MAP4K4: variants seen among roughly 807,000 people sequenced by gnomAD.
MAP4K4 encodes the protein HPK/GCK-like kinase HGK.
Under a neutral mutation model 189.6 loss-of-function variants are expected in MAP4K4, and 38 were observed. The ratio of observed to expected loss-of-function variants is 0.20; its 90% CI spans 0.15 to 0.26. The LOEUF (loss-of-function observed/expected upper bound fraction) is 0.26, where lower values mean the gene tolerates loss of function less well. Ranked by LOEUF, MAP4K4 falls within the 10% of genes least tolerant of loss-of-function variation. The probability of loss-of-function intolerance (pLI) is 1.00; values close to 1 mark genes in which losing one functional copy is unlikely to be tolerated. For missense variants in MAP4K4, 1,054 were observed against 1,726.9 expected, an observed-to-expected ratio of 0.61 and a Z score of 6.91; for synonymous variants, 610 against 624.3, an observed-to-expected ratio of 0.98 and a Z score of 0.34.
chr2:101,726,811 C>T (rs761432664), intron 2 of MAP4K4, among the ~76,000 whole-genome samples: 5 of 152,100 alleles, frequency 3.3e-5, no homozygotes, highest in African/African-American at 7.2e-5. Context: ...TTCTGTTGCT[C>T]ATAATAGAAT....
chr2:101,792,959 T>A (rs1001953503), intron 3 of MAP4K4, among the ~76,000 whole-genome samples: 4 of 152,180 alleles, frequency 2.6e-5, no homozygotes, highest in African/African-American at 9.7e-5. Context: ...ATAGCTGTTG[T>A]TAGTGCTTCA....
chr2:101,724,530 C>T (rs1400673966), intron 2 of MAP4K4, among the ~76,000 whole-genome samples: 1 of 152,192 alleles, frequency 6.6e-6, no homozygotes, highest in African/African-American at 2.4e-5. Context: ...TTATTGGGCT[C>T]CTGGTTCCAC....
chr2:101,852,035 A>G (rs1044383384), intron 12 of MAP4K4, among the ~76,000 whole-genome samples: 4 of 151,950 alleles, frequency 2.6e-5, no homozygotes, highest in Admixed American at 6.6e-5. Flanking sequence ...GCCTATGTGA[A>G]AATGAACCCT....
chr2:101,769,618 C>G (rs2080333776), intron 2 of MAP4K4, among the ~76,000 whole-genome samples: 1 of 151,166 alleles, frequency 6.6e-6, no homozygotes, highest in Non-Finnish European at 1.5e-5. Context: ...GAGTCTTGCT[C>G]TGTTGCCCAG....
chr2:101,742,405 C>T (rs1031186334), intron 2 of MAP4K4, among the ~76,000 whole-genome samples: 10 of 152,102 alleles, frequency 6.6e-5, no homozygotes, highest in African/African-American at 1.4e-4. Context: ...GAATAAATTG[C>T]CTCTTTCCTG....
At chr2:101,801,532 C>T (rs2094372942) in intron 3 of MAP4K4, among the ~76,000 whole-genome samples, 1 of 152,146 alleles carries the variant, frequency 6.6e-6, no homozygotes, top group Non-Finnish European at 1.5e-5. Context: ...GCAGCCTCTG[C>T]CTAGCATGCA....
At chr2:101,724,890 G>A (rs988541827) in intron 2 of MAP4K4, among the ~76,000 whole-genome samples, 1 of 152,174 alleles carries the variant, frequency 6.6e-6, no homozygotes, top group East Asian at 1.9e-4. Context: ...GGTCCTATAA[G>A]ATTATAATAT....
chr2:101,867,375 T>C (rs866469710), intron 20 of MAP4K4, 66 bp downstream of exon 20: 9 of 1,292,942 alleles, frequency 7.0e-6, no homozygotes, highest in African/African-American at 1.5e-5. Context: ...ATTAAAAATA[T>C]GTGGTTGAGA....
At chr2:101,737,999 A>G (rs1259424149) in intron 2 of MAP4K4, among the ~76,000 whole-genome samples, 3 of 152,146 alleles carry the variant, frequency 2.0e-5, no homozygotes, top group Non-Finnish European at 4.4e-5. Flanking sequence ...CTAACATGCT[A>G]GCATCATATG....
At chr2:101,781,550 G>A (rs1217993161) in intron 2 of MAP4K4, among the ~76,000 whole-genome samples, 1 of 152,146 alleles carries the variant, frequency 6.6e-6, no homozygotes, top group African/African-American at 2.4e-5. Flanking sequence ...GAGGGAGGGG[G>A]AAGGGGACTG....
At chr2:101,726,940 C>G (rs1268289553) in intron 2 of MAP4K4, among the ~76,000 whole-genome samples, 3 of 152,178 alleles carry the variant, frequency 2.0e-5, no homozygotes, top group Non-Finnish European at 2.9e-5. Context: ...TGGAGGCTCT[C>G]TGCAGAGTCC....
intron 2 of MAP4K4, among the ~76,000 whole-genome samples, chr2:101,753,386 A>G (rs1321183074): frequency 6.6e-6 from 1 of 152,200 alleles, no homozygotes; most frequent in Non-Finnish European, 1.5e-5. Flanking sequence ...AGTTTTTGAA[A>G]TGTGCCTTTG....
intron 2 of MAP4K4, among the ~76,000 whole-genome samples, chr2:101,745,694 G>A (rs573662282): frequency 6.0e-4 from 92 of 152,214 alleles, no homozygotes; most frequent in African/African-American, 2.1e-3. Flanking sequence ...TCCATAAGCC[G>A]TTAAGTGCCT....
At chr2:101,837,327 A>AG (rs2096787752) in intron 9 of MAP4K4, among the ~76,000 whole-genome samples, 1 of 151,678 alleles carries the variant, frequency 6.6e-6, no homozygotes, top group Non-Finnish European at 1.5e-5. Context: ...ACCCATCTTC[A>AG]TACCAGTTTT....
intron 2 of MAP4K4, among the ~76,000 whole-genome samples, chr2:101,765,649 T>A (rs1452570452): frequency 6.6e-6 from 1 of 152,204 alleles, no homozygotes; most frequent in Non-Finnish European, 1.5e-5. Flanking sequence ...TCTTGATCTC[T>A]GTATTTTATT....
intron 13 of MAP4K4, among the ~76,000 whole-genome samples, chr2:101,857,232 G>T (rs989344650): frequency 6.6e-6 from 1 of 151,896 alleles, no homozygotes; most frequent in South Asian, 2.1e-4. Flanking sequence ...CAAGTATTTG[G>T]CACCACTTTT....
intron 2 of MAP4K4, among the ~76,000 whole-genome samples, chr2:101,785,143 T>C (rs928823389): frequency 1.3e-5 from 2 of 152,230 alleles, no homozygotes; most frequent in African/African-American, 4.8e-5. Flanking sequence ...GCATTTGTTA[T>C]TCCTAACTTC....
At chr2:101,877,890 C>T (rs2094445626) in intron 27 of MAP4K4, among the ~76,000 whole-genome samples, 1 of 152,170 alleles carries the variant, frequency 6.6e-6, no homozygotes, top group South Asian at 2.1e-4. Flanking sequence ...GCTGGGACTA[C>T]AGGCACTTCC....
chr2:101,741,979 GTGTT>G (rs1241975525), intron 2 of MAP4K4, among the ~76,000 whole-genome samples: 2 of 152,202 alleles, frequency 1.3e-5, no homozygotes, highest in Non-Finnish European at 2.9e-5. Flanking sequence ...AGGTGAGTGT[GTGTT>G]TGTAGATGGT....
Sources: gnomAD v4.1 joint callset for allele counts (sites outside exome capture counted in the v4.1 genomes callset) on GRCh38, gnomAD v4.1.1 for gene constraint, MANE v1.5 for transcripts, NCBI Gene and HGNC (gene_info 2026-07-23, HGNC 2026-07-21) for gene names.